The following PPP1R12B variants were observed in gnomAD, a reference collection of about 807,000 sequenced individuals.
PPP1R12B encodes the protein myosin phosphatase target subunit 2.
A neutral mutation model predicts 126.1 loss-of-function variants in PPP1R12B; 76 were observed. That is an observed-to-expected ratio of 0.60 (90% CI 0.50 to 0.73). The LOEUF (loss-of-function observed/expected upper bound fraction) is 0.73. Among genes scored for constraint, PPP1R12B ranks in the 30% least tolerant of loss-of-function variants. PPP1R12B has a pLI of 0.00. For missense variants in PPP1R12B, 1,052 were observed against 1,205.1 expected (o/e 0.87, Z 1.88); for synonymous variants, 356 against 434.7 (o/e 0.82, Z 2.25).
chr1:202,567,735 T>C (rs1372435307), intron 21 of PPP1R12B, 43 bp from the exon 22 acceptor site: 1 of 1,604,154 alleles, frequency 6.2e-7, no homozygotes, highest in Non-Finnish European at 8.5e-7. Flanking sequence ...TACTGGCCCT[T>C]AGACAACTTA....
chr1:202,506,555 C>G (rs1013063847), intron 18 of PPP1R12B, among the ~76,000 whole-genome samples: 10 of 152,174 alleles, frequency 6.6e-5, no homozygotes, highest in African/African-American at 2.4e-4. Flanking sequence ...TTGGACTTCT[C>G]TCATGCATCT....
At position 202,580,936 on chromosome 1, in the gene PPP1R12B, C is replaced by T. The variant is rs1385013628; in HGVS notation, c.*376C>T. 5.2e-6 allele frequency: 1 copy of T among 193,904 alleles called. No homozygotes were observed. The highest frequency in any genetic ancestry group is 1.1e-5 in the Non-Finnish European group (1 of 91,082). The allele number at this position is 193,904 out of a possible 1,614,324, so 12.0% of individuals were successfully genotyped here. ...GACTTCTACCCTAATCAGTATCCTT[C>T]AGCTTTTTACATTAACCCAGTGTCC... On this transcript the variant is annotated 3_prime_UTR_variant, in exon 24 of 24. Transcript: ENST00000608999.
At chr1:202,454,457 C>G (rs1171277838) in intron 13 of PPP1R12B, among the ~76,000 whole-genome samples, 1 of 152,208 alleles carries the variant, frequency 6.6e-6, no homozygotes, top group African/African-American at 2.4e-5. Context: ...TTTTAAAGTA[C>G]CTGTTGCCAG....
intron 1 of PPP1R12B, among the ~76,000 whole-genome samples, chr1:202,352,619 T>C (rs968451757): frequency 9.9e-5 from 15 of 152,070 alleles, no homozygotes; most frequent in African/African-American, 3.6e-4. Context: ...CCGGGGGTGG[T>C]GGCTCACGCT....
chr1:202,468,277 T>G (rs940996126), intron 13 of PPP1R12B, among the ~76,000 whole-genome samples: 4 of 152,218 alleles, frequency 2.6e-5, no homozygotes, highest in African/African-American at 9.6e-5. Flanking sequence ...GCTTTTGGTG[T>G]TTTAGTCATA....
intron 1 of PPP1R12B, among the ~76,000 whole-genome samples, chr1:202,395,097 A>G (rs1049796930): frequency 2.8e-5 from 4 of 143,120 alleles, no homozygotes; most frequent in African/African-American, 1.0e-4. Flanking sequence ...AGCCTGGGCA[A>G]CAAAGTGAGA....
intron 13 of PPP1R12B, among the ~76,000 whole-genome samples, chr1:202,470,145 A>C (rs1382991450): frequency 3.3e-5 from 5 of 152,186 alleles, no homozygotes; most frequent in Admixed American, 3.3e-4. Flanking sequence ...CAGAGAGTCC[A>C]CCTATGCTAA....
intron 18 of PPP1R12B, among the ~76,000 whole-genome samples, chr1:202,514,501 C>T (rs1681886437): frequency 6.6e-6 from 1 of 151,984 alleles, no homozygotes; most frequent in Non-Finnish European, 1.5e-5. Flanking sequence ...AAATCTTTGC[C>T]CATTTCTATG....
intron 18 of PPP1R12B, among the ~76,000 whole-genome samples, chr1:202,517,083 C>T (rs1682232529): frequency 6.6e-6 from 1 of 152,190 alleles, no homozygotes; most frequent in South Asian, 2.1e-4. Flanking sequence ...TCTGCTAAGT[C>T]ACCCCAAGAT....
chr1:202,374,819 C>T (rs1253049481), intron 1 of PPP1R12B, among the ~76,000 whole-genome samples: 1 of 152,168 alleles, frequency 6.6e-6, no homozygotes, highest in Admixed American at 6.5e-5. Flanking sequence ...GCTAGGATTA[C>T]AGGCGTGAGC....
intron 15 of PPP1R12B, among the ~76,000 whole-genome samples, chr1:202,494,022 GT>G (rs1679212934): frequency 6.6e-6 from 1 of 152,184 alleles, no homozygotes; most frequent in Non-Finnish European, 1.5e-5. Flanking sequence ...ACCTAAGATG[GT>G]TCCAATTACA....
rs535918234 is a variant in PPP1R12B, at chr1:202,484,780, A to AT, written c.1851-3746dup. Among the ~76,000 whole-genome samples the AT allele has an allele frequency of 6.2e-4, 94 of 152,006 alleles. No homozygotes were observed. The South Asian group carries it at 0.011, about 18-fold the overall frequency. On this transcript the variant is annotated intron_variant, in intron 13 of 23. Coordinates refer to ENST00000608999, the MANE Select transcript of PPP1R12B (RefSeq NM_002481.4). ...TATAGTATTCTTGGCTGACAGGTTC[A>AT]TTTTTTTCCCCCAAACACTCTGAAT...
chr1:202,469,986 G>A (rs959869615), intron 13 of PPP1R12B, among the ~76,000 whole-genome samples: 8 of 152,166 alleles, frequency 5.3e-5, no homozygotes, highest in East Asian at 1.9e-4. Flanking sequence ...TTCAATAAAG[G>A]TTAAGAACCG....
At chr1:202,377,832 GTT>G (rs74860606) in intron 1 of PPP1R12B, among the ~76,000 whole-genome samples, 12 of 97,264 alleles carry the variant, frequency 1.2e-4, no homozygotes, top group African/African-American at 5.5e-4. Context: ...AAAGACAGGT[GTT>G]TTTTTTTTTT....
At chr1:202,392,550 C>G (rs1212599292) in intron 1 of PPP1R12B, among the ~76,000 whole-genome samples, 8 of 150,524 alleles carry the variant, frequency 5.3e-5, no homozygotes, top group Non-Finnish European at 8.9e-5. Flanking sequence ...GAGACAGTGT[C>G]TCACTCTGTC....
chr1:202,493,026 A>C (rs1168629825), intron 14 of PPP1R12B, 88 bp from the exon 15 acceptor site: 1 of 1,392,944 alleles, frequency 7.2e-7, no homozygotes, highest in South Asian at 1.3e-5. Flanking sequence ...TTTGATAACT[A>C]TTAGGTCTTT....
chr1:202,533,793 G>GT (rs1360824574), intron 18 of PPP1R12B, among the ~76,000 whole-genome samples: 11 of 152,180 alleles, frequency 7.2e-5, no homozygotes, highest in African/African-American at 2.7e-4. Flanking sequence ...TAGTGGTCTT[G>GT]TCTTTGAGGA....
At chr1:202,391,544 C>T (rs938980008) in intron 1 of PPP1R12B, among the ~76,000 whole-genome samples, 2 of 151,968 alleles carry the variant, frequency 1.3e-5, no homozygotes, top group African/African-American at 4.8e-5. Context: ...AACATATGTC[C>T]ATACCAGCAA....
intron 1 of PPP1R12B, among the ~76,000 whole-genome samples, chr1:202,362,209 G>C (rs763180916): frequency 6.6e-6 from 1 of 152,028 alleles, no homozygotes; most frequent in Non-Finnish European, 1.5e-5. Flanking sequence ...GGGTCCTGTG[G>C]ATGCAGCTTC....
Sources: gnomAD v4.1 joint callset for allele counts (sites outside exome capture counted in the v4.1 genomes callset) on GRCh38, gnomAD v4.1.1 for gene constraint, MANE v1.5 for transcripts, NCBI Gene and HGNC (gene_info 2026-07-23, HGNC 2026-07-21) for gene names.